The following SMC2 variants were observed in gnomAD, a reference collection of about 807,000 sequenced individuals.
SMC2 encodes structural maintenance of chromosomes protein 2.
Under a neutral mutation model 142.6 loss-of-function variants are expected in SMC2, and 41 were observed. The ratio of observed to expected loss-of-function variants is 0.29; its 90% CI spans 0.22 to 0.37. The LOEUF is 0.37. Ranked by LOEUF, SMC2 falls within the 10% of genes least tolerant of loss-of-function variation. SMC2 has a pLI of 1.00. For synonymous variants in SMC2, 463 were observed against 457.5 expected (o/e 1.01, Z -0.15); for missense variants, 1,265 against 1,373.7 (o/e 0.92, Z 1.25).
chr9:104,098,708 G>A (rs114913341), intron 4 of SMC2, 140 bp downstream of exon 4: 2 of 800,508 alleles, frequency 2.5e-6, no homozygotes, highest in Admixed American at 3.2e-5. Context: ...CATCTGTTTA[G>A]AAATATGGTT....
At chr9:104,089,789 C>G (rs1364733300), upstream of SMC2, among the ~76,000 whole-genome samples, 2 of 152,056 alleles carry the variant, frequency 1.3e-5, no homozygotes, top group Admixed American at 1.3e-4. Flanking sequence ...GCTGGGATTA[C>G]AGGCATGCAT....
intron 9 of SMC2, 67 bp downstream of exon 9, chr9:104,102,640 T>C: frequency 7.0e-7 from 1 of 1,433,342 alleles, no homozygotes; most frequent in Non-Finnish European, 9.3e-7. Context: ...AGTGTACATT[T>C]ATCTATTCCA....
chr9:104,132,859 T>A (rs905361142), intron 22 of SMC2, among the ~76,000 whole-genome samples: 2 of 152,030 alleles, frequency 1.3e-5, no homozygotes, highest in Non-Finnish European at 2.9e-5. Context: ...TTTTTCTTTT[T>A]TCCCACCAGG....
chr9:104,096,951 C>T (rs12336559), intron 3 of SMC2, among the ~76,000 whole-genome samples: 1 of 152,086 alleles, frequency 6.6e-6, no homozygotes, highest in South Asian at 2.1e-4. Flanking sequence ...CAAAATTGGT[C>T]TAGTTGGAGT....
intron 3 of SMC2, among the ~76,000 whole-genome samples, chr9:104,097,090 TAGTC>T (rs1034880396): frequency 1.2e-4 from 18 of 151,520 alleles, no homozygotes; most frequent in African/African-American, 4.1e-4. Context: ...GTTATTAATA[TAGTC>T]AGGCAGTGTT....
chr9:104,097,890 A>G (rs971644570), intron 3 of SMC2, among the ~76,000 whole-genome samples: 1 of 152,176 alleles, frequency 6.6e-6, no homozygotes, highest in African/African-American at 2.4e-5. Context: ...CTGGTAGATG[A>G]GACAATCATA....
chr9:104,118,581 G>A (rs1189858469), intron 15 of SMC2, among the ~76,000 whole-genome samples: 2 of 152,074 alleles, frequency 1.3e-5, no homozygotes, highest in Non-Finnish European at 2.9e-5. Context: ...TGCCTTAAAG[G>A]AATTCTTAGA....
intron 19 of SMC2, 116 bp downstream of exon 19, chr9:104,126,900 T>C: frequency 9.5e-7 from 1 of 1,047,272 alleles, no homozygotes; most frequent in Non-Finnish European, 1.4e-6. Flanking sequence ...CATGAGAGAA[T>C]GAGGCACAAA....
Position 104,103,401 on chromosome 9 carries a change from A to G in SMC2, c.1020+828A>G, listed in dbSNP as rs146072407. Among the ~76,000 whole-genome samples, 283 of 152,322 alleles carry G rather than the reference A, an allele frequency of 1.9e-3. 3 individuals are homozygous for G. Among genetic ancestry groups the G allele is most frequent in the African/African-American group, 6.5e-3 (270 of 41,590 alleles). Reference sequence around the variant, plus strand: ...AATAGGGAGGTAACTGGAGGGTAATACAGAAGAGAGTTTTTGGCTTGATTT... The same window carrying G: ...AATAGGGAGGTAACTGGAGGGTAATGCAGAAGAGAGTTTTTGGCTTGATTT... On this transcript the variant is annotated intron_variant, in intron 9 of 24. Transcript: ENST00000374793.
intron 4 of SMC2, 136 bp downstream of exon 4, chr9:104,098,704 T>C (rs761525066): frequency 5.1e-5 from 42 of 815,574 alleles, no homozygotes; most frequent in Non-Finnish European, 7.4e-5. Context: ...CGGCCATCTG[T>C]TTAGAAATAT....
upstream of SMC2, among the ~76,000 whole-genome samples, chr9:104,090,724 C>T (rs1178050290): frequency 6.6e-6 from 1 of 152,030 alleles, no homozygotes; most frequent in Non-Finnish European, 1.5e-5. Flanking sequence ...AAGAGAGTCC[C>T]ATAAACAAAA....
rs769692840 is a variant in SMC2, at chr9:104,119,994, T to C, written c.1997-33T>C. The stretch of plus-strand genomic sequence containing the variant: ...TTGTGTAGTACATACCTGGTAACAA[T>C]GTGGAAGACCTGTTTCAATTTGCCT... On this transcript the variant is annotated intron_variant, in intron 15 of 24. Transcript: ENST00000374793. The C allele has an allele frequency of 7.5e-6, 12 of 1,610,290 alleles. No homozygotes were observed. The South Asian group carries it at 1.1e-4, about 15-fold the overall frequency.
chr9:104,118,282 A>T lies in SMC2; in HGVS notation c.1903A>T (p.Asn635Tyr), dbSNP rs777959814. The T allele has an allele frequency of 6.2e-7, 1 of 1,613,726 alleles. No individual in the cohort carries two copies. Among genetic ancestry groups the T allele is most frequent in the Admixed American group, 1.7e-5 (1 of 60,004 alleles). ...AACATTTGTTTGTGACAATATGGAT[A>T]ATGCCAAAAAAGTGGCCTTTGATAA... ...GTTFVCDNMD[N>Y]AKKVAFDKRI... The change falls in exon 15 of 25, where the codon AAT becomes TAT. Residue 635 changes from asparagine (N) to tyrosine (Y), a missense_variant. Asn to Tyr is a moderately radical substitution (Grantham distance 143). Around this residue, in one of 4 missense-constraint regions of SMC2, gnomAD observed 898 missense variants for 904.2 expected, o/e 0.99. Transcript: ENST00000374793.
upstream of SMC2, among the ~76,000 whole-genome samples, chr9:104,093,898 A>G (rs1057062194): frequency 3.9e-5 from 6 of 152,242 alleles, no homozygotes; most frequent in African/African-American, 1.4e-4. Context: ...AGAACCGACG[A>G]GAACACTCAT....
chr9:104,117,551 AGAC>A (rs1284284968), intron 14 of SMC2, among the ~76,000 whole-genome samples: 1 of 152,224 alleles, frequency 6.6e-6, no homozygotes, highest in Non-Finnish European at 1.5e-5. Context: ...TGTAACTGGC[AGAC>A]GACTGCTCTA....
At chr9:104,131,969 T>A (rs767630907) in intron 21 of SMC2, 40 bp from the exon 22 acceptor site, 1 of 1,023,960 alleles carries the variant, frequency 9.8e-7, no homozygotes, top group Admixed American at 2.2e-5. Flanking sequence ...ATAGAAGAGA[T>A]TTTATATTTT....
chr9:104,105,418 T>A (rs571217465), intron 9 of SMC2, among the ~76,000 whole-genome samples: 127 of 152,268 alleles, frequency 8.3e-4, no homozygotes, highest in African/African-American at 3.0e-3. Flanking sequence ...TGGATGCACA[T>A]AGCACCCTTT....
Position 104,135,706 on chromosome 9 carries a change from G to A in SMC2, c.3269+1131G>A, listed in dbSNP as rs184241789. 3.2e-3 allele frequency among the ~76,000 whole-genome samples: 493 copies of A among 152,296 alleles called. 4 individuals are homozygous for A. Among genetic ancestry groups the A allele is most frequent in the African/African-American group, 0.011 (476 of 41,568 alleles). ...GCAGCTAGAGGAAAAGAGACATTAT[G>A]TGCTAGTGAACAAAAATAAAAATGA... On this transcript the variant is annotated intron_variant, in intron 23 of 24. Coordinates refer to ENST00000374793, the MANE Select transcript of SMC2 (RefSeq NM_006444.3).
chr9:104,113,913 T>TA (rs748362515), intron 11 of SMC2, 51 bp from the exon 12 acceptor site: 29 of 1,117,304 alleles, frequency 2.6e-5, no homozygotes, highest in Non-Finnish European at 3.6e-5. Context: ...CTTAAAACAG[T>TA]AGAGTGAGCT....
Sources: gnomAD v4.1 joint callset for allele counts (sites outside exome capture counted in the v4.1 genomes callset) on GRCh38, gnomAD v4.1.1 for gene constraint, gnomAD v4.1.1 regional missense constraint, MANE v1.5 for transcripts, NCBI Gene and HGNC (gene_info 2026-07-23, HGNC 2026-07-21) for gene names.